Variants in ALCAM observed in about 807,000 individuals in gnomAD.
The protein encoded by ALCAM is activated leukocyte cell adhesion molecule, also known as CD166 antigen.
ALCAM carries 30 observed loss-of-function variants against 70.9 expected under a neutral mutation model. That is an observed-to-expected ratio of 0.42 (90% CI 0.32 to 0.57). ALCAM has a LOEUF of 0.57. Among genes scored for constraint, ALCAM ranks in the 20% least tolerant of loss-of-function variants. The probability of loss-of-function intolerance (pLI) is 0.11; values close to 1 mark genes in which losing one functional copy is unlikely to be tolerated. For missense variants in ALCAM, 591 were observed against 695.1 expected (o/e 0.85, Z 1.68); for synonymous variants, 249 against 242.5 (o/e 1.03, Z -0.25).
rs186441580 is a variant in ALCAM at position 105,424,014 on chromosome 3, T to C, written c.73+56533T>C. Among the ~76,000 whole-genome samples, 573 of 151,762 alleles carry C rather than the reference T, an allele frequency of 3.8e-3. 4 individuals carry two copies. Among genetic ancestry groups the C allele is most frequent in the Middle Eastern group, 0.034 (10 of 294 alleles). On this transcript the variant is annotated intron_variant, in intron 1 of 15. Transcript: ENST00000306107. ...TTCATTCACTAACATTTTTGGTACA[T>C]GTGCCATGTACACTATTCTAGATAT...
intron 1 of ALCAM, among the ~76,000 whole-genome samples, chr3:105,508,832 C>T (rs1184988052): frequency 7.2e-6 from 1 of 138,858 alleles, no homozygotes; most frequent in Non-Finnish European, 1.6e-5. Context: ...TAGTTGTGTC[C>T]TATACAGTTG....
intron 3 of ALCAM, chr3:105,524,715 G>A: frequency 7.6e-7 from 1 of 1,313,938 alleles, no homozygotes; most frequent in Non-Finnish European, 9.7e-7. Flanking sequence ...TTGCAGTGAG[G>A]AACTAAAATA....
intron 1 of ALCAM, among the ~76,000 whole-genome samples, chr3:105,428,608 A>G (rs1407238482): frequency 6.6e-6 from 1 of 151,946 alleles, no homozygotes; most frequent in East Asian, 1.9e-4. Flanking sequence ...TCTGGTAAGT[A>G]TTTCAGAATT....
chr3:105,553,126 G>A, intron 14 of ALCAM: 3 of 966,718 alleles, frequency 3.1e-6, no homozygotes, highest in Non-Finnish European at 3.7e-6. Context: ...TTTAAAAATG[G>A]ATTAAAGTAC....
chr3:105,550,383 T>C (rs1940362568), intron 12 of ALCAM, 124 bp downstream of exon 12: 1 of 989,742 alleles, frequency 1.0e-6, no homozygotes, highest in African/African-American at 1.7e-5. Context: ...TTATTTTGCA[T>C]TTGGTATCAT....
At chr3:105,435,174 T>A (rs1373020316) in intron 1 of ALCAM, among the ~76,000 whole-genome samples, 1 of 152,240 alleles carries the variant, frequency 6.6e-6, no homozygotes, top group Non-Finnish European at 1.5e-5. Context: ...TATTTTTTTA[T>A]CTGTTTCTAA....
At chr3:105,479,888 T>C (rs913423228) in intron 1 of ALCAM, among the ~76,000 whole-genome samples, 2 of 152,130 alleles carry the variant, frequency 1.3e-5, no homozygotes, top group South Asian at 2.1e-4. Flanking sequence ...CGTTATACTA[T>C]GGGAATTCAA....
intron 1 of ALCAM, among the ~76,000 whole-genome samples, chr3:105,489,967 A>T (rs1472169809): frequency 3.3e-5 from 5 of 152,224 alleles, no homozygotes; most frequent in Non-Finnish European, 7.3e-5. Context: ...CATGCCACTA[A>T]CACTTTAGAA....
In ALCAM at chr3:105,550,048, A is replaced by G. The variant is rs1161430888; in HGVS notation, c.1375-79A>G. 5.1e-6 allele frequency: 7 copies of G among 1,365,188 alleles called. No homozygotes were observed. The African/African-American group carries it at 7.3e-5, about 14-fold the overall frequency. The allele number at this position is 1,365,188 out of a possible 1,614,324, so 84.6% of individuals were successfully genotyped here. On this transcript the variant is annotated intron_variant, in intron 11 of 15. Coordinates refer to ENST00000306107, the MANE Select transcript of ALCAM (RefSeq NM_001627.4). ...CTCTATAGAGCACCACGCCTATCCT[A>G]TTACAGTCATCATTACTCTTTCCTA...
At chr3:105,523,718 A>C (rs1390248750) in intron 2 of ALCAM, among the ~76,000 whole-genome samples, 1 of 152,356 alleles carries the variant, frequency 6.6e-6, no homozygotes, top group East Asian at 1.9e-4. Context: ...TGTATTAGTT[A>C]ATCTGACTCA....
chr3:105,415,306 G>A (rs1443333389), intron 1 of ALCAM, among the ~76,000 whole-genome samples: 4 of 152,102 alleles, frequency 2.6e-5, no homozygotes, highest in African/African-American at 4.8e-5. Flanking sequence ...TGGAACATAT[G>A]GTTTTCCTGA....
intron 1 of ALCAM, among the ~76,000 whole-genome samples, chr3:105,450,070 C>G (rs987594645): frequency 1.3e-5 from 2 of 152,074 alleles, no homozygotes; most frequent in East Asian, 3.9e-4. Context: ...ACTTTCTGGG[C>G]ACTGTTTCTT....
intron 14 of ALCAM, among the ~76,000 whole-genome samples, chr3:105,560,548 A>G (rs990232617): frequency 1.3e-5 from 2 of 152,160 alleles, no homozygotes; most frequent in Non-Finnish European, 2.9e-5. Context: ...GATGAAGAAC[A>G]GCTATCAATT....
At chr3:105,419,675 G>T (rs1195200511) in intron 1 of ALCAM, among the ~76,000 whole-genome samples, 1 of 151,706 alleles carries the variant, frequency 6.6e-6, no homozygotes, top group African/African-American at 2.4e-5. Context: ...TTAAAAATAT[G>T]GCAGACTAGA....
At chr3:105,472,928 G>T (rs913359349) in intron 1 of ALCAM, among the ~76,000 whole-genome samples, 12 of 151,450 alleles carry the variant, frequency 7.9e-5, no homozygotes, top group Non-Finnish European at 1.5e-4. Context: ...GATTAGTGGT[G>T]CTGTGTGTAT....
intron 1 of ALCAM, among the ~76,000 whole-genome samples, chr3:105,468,081 CAT>C (rs1053223976): frequency 6.6e-6 from 1 of 151,186 alleles, no homozygotes; most frequent in Non-Finnish European, 1.5e-5. Flanking sequence ...ATTATAATAT[CAT>C]GTGCTAATGT....
intron 1 of ALCAM, among the ~76,000 whole-genome samples, chr3:105,461,097 T>A (rs896873487): frequency 6.6e-6 from 1 of 151,400 alleles, no homozygotes; most frequent in African/African-American, 2.4e-5. Context: ...ATCTCACATA[T>A]CTCACATGTT....
At chr3:105,541,378 C>T (rs78233624) in intron 7 of ALCAM, among the ~76,000 whole-genome samples, 1,815 of 151,898 alleles carry the variant, frequency 0.012, 44 homozygotes, top group African/African-American at 0.042. Context: ...GAAACTTGAG[C>T]AAAAGCCATG....
intron 1 of ALCAM, among the ~76,000 whole-genome samples, chr3:105,506,829 A>G (rs560936850): frequency 1.3e-5 from 2 of 152,344 alleles, no homozygotes; most frequent in Non-Finnish European, 2.9e-5. Context: ...ACATAATCAT[A>G]AAACAGCAAT....
Sources: allele counts gnomAD v4.1 joint callset (sites outside exome capture counted in the v4.1 genomes callset), GRCh38; gene constraint gnomAD v4.1.1; transcripts MANE v1.5; gene names NCBI Gene and HGNC (gene_info 2026-07-23, HGNC 2026-07-21).